Variants in TUFT1 observed in about 807,000 individuals in gnomAD.
TUFT1 encodes tuftelin.
TUFT1 carries 43 observed loss-of-function variants against 57.8 expected under a neutral mutation model. The observed-to-expected ratio is 0.74, with a 90% CI of 0.58 to 0.96. TUFT1 has a LOEUF of 0.96. TUFT1 is among the 40% of genes least tolerant of loss of function. The probability of loss-of-function intolerance (pLI) is 0.00; values close to 1 mark genes in which losing one functional copy is unlikely to be tolerated. For synonymous variants in TUFT1, 166 were observed against 176.7 expected, an observed-to-expected ratio of 0.94 and a Z score of 0.48; for missense variants, 459 against 489.0, an observed-to-expected ratio of 0.94 and a Z score of 0.58.
intron 3 of TUFT1, among the ~76,000 whole-genome samples, chr1:151,563,013 T>G (rs1665946983): frequency 6.6e-6 from 1 of 152,174 alleles, no homozygotes; most frequent in South Asian, 2.1e-4. Flanking sequence ...TATGTTTTCC[T>G]ATAATGGGTT....
chr1:151,558,060 G>A (rs1665770925), intron 1 of TUFT1: 1 of 332,660 alleles, frequency 3.0e-6, no homozygotes, highest in South Asian at 2.5e-5. Context: ...TTCAACTCAT[G>A]TTTCTTTCTT....
intron 1 of TUFT1, among the ~76,000 whole-genome samples, chr1:151,552,693 G>T (rs6683389): frequency 9.5e-6 from 1 of 105,058 alleles, no homozygotes; most frequent in Non-Finnish European, 1.7e-5. Context: ...GACAGAGCGA[G>T]AGGGACTCTG....
At position 151,581,660 on chromosome 1, in the gene TUFT1, C is replaced by A; in HGVS notation, c.1126C>A (p.Pro376Thr). Reference sequence around the variant, plus strand: ...TCTTTTCAGTATTAGGATATCCAAGCCGCCTAGCCCGAAGCCCATGCCTGT... The same window carrying A: ...TCTTTTCAGTATTAGGATATCCAAGACGCCTAGCCCGAAGCCCATGCCTGT... ...ENPGSIRISK[P>T]PSPKPMPVIR... The change falls in exon 13 of 13, where the codon CCG becomes ACG. Residue 376 changes from proline (P) to threonine (T), a missense_variant. Pro to Thr is a conservative substitution (Grantham distance 38). Transcript: ENST00000368849. The A allele has an allele frequency of 6.2e-7, 1 of 1,614,132 alleles. No homozygotes were observed. Among genetic ancestry groups the A allele is most frequent in the Admixed American group, 1.7e-5 (1 of 60,012 alleles).
rs1252230467 is a variant in TUFT1, at chr1:151,569,796, G to A, written c.594+26G>A. ...GTGAGATTTGGGATTTGGGGAGAAG[G>A]TGCCCTAAGGGATGGGCTACTGAAC... On this transcript the variant is annotated intron_variant, in intron 7 of 12. Transcript: ENST00000368849. The A allele has an allele frequency of 3.8e-6, 6 of 1,580,076 alleles. No individual in the cohort carries two copies. In the African/African-American group the frequency reaches 8.1e-5, roughly 21 times the overall value.
intron 7 of TUFT1, among the ~76,000 whole-genome samples, chr1:151,571,155 A>T: frequency 6.6e-6 from 1 of 152,246 alleles, no homozygotes; most frequent in African/African-American, 2.4e-5. Flanking sequence ...AAAAAGAGAA[A>T]GGCCAGCTTG....
At chr1:151,543,327 ATGTGTGTGTGTG>A (rs10626781) in intron 1 of TUFT1, among the ~76,000 whole-genome samples, 20 of 146,854 alleles carry the variant, frequency 1.4e-4, no homozygotes, top group African/African-American at 3.0e-4. Context: ...TTATATATAT[ATGTGTGTGTGTG>A]TGTGTGTGTG....
At chr1:151,563,025 A>T (rs1412670195) in intron 3 of TUFT1, among the ~76,000 whole-genome samples, 1 of 152,100 alleles carries the variant, frequency 6.6e-6, no homozygotes, top group East Asian at 1.9e-4. Context: ...TAATGGGTTC[A>T]TCCTGATGGA....
At position 151,581,921 on chromosome 1, in the gene TUFT1, G is replaced by C. The variant is rs1257204131; in HGVS notation, c.*214G>C. 1.6e-6 allele frequency: 1 copy of C among 625,108 alleles called. No individual in the cohort carries two copies. The highest frequency in any genetic ancestry group is 2.9e-6 in the Non-Finnish European group (1 of 347,924). 38.7% of individuals were successfully genotyped at this position (625,108 alleles called of 1,614,324 possible). A position where few individuals can be genotyped will look rare whatever the true frequency, so the allele number is the denominator to read the frequency against. On this transcript the variant is annotated 3_prime_UTR_variant, in exon 13 of 13. Transcript: ENST00000368849. ...CTATTCAAGGCACTGCAGCCCTTTG[G>C]AAGACATTGTCCTGCAAGCAGGAGC...
chr1:151,566,688 T>C (rs777230569), intron 6 of TUFT1, among the ~76,000 whole-genome samples: 19 of 152,334 alleles, frequency 1.2e-4, no homozygotes, highest in East Asian at 1.9e-4. Flanking sequence ...AAATATCATG[T>C]ATATGTTATA....
At chr1:151,543,678 G>A (rs779530645) in intron 1 of TUFT1, among the ~76,000 whole-genome samples, 8 of 152,118 alleles carry the variant, frequency 5.3e-5, no homozygotes, top group Non-Finnish European at 1.2e-4. Flanking sequence ...TACTACTATT[G>A]GTGAATTGGT....
chr1:151,571,757 T>A (rs1330519248), intron 7 of TUFT1, among the ~76,000 whole-genome samples: 1 of 152,124 alleles, frequency 6.6e-6, no homozygotes, highest in African/African-American at 2.4e-5. Context: ...TATTTGCTGG[T>A]TTTAATCACA....
Position 151,550,924 on chromosome 1 carries a change from C to T in TUFT1, c.60+10498C>T, listed in dbSNP as rs141179684. Reference sequence around the variant, plus strand: ...CCTGGGTAACACAGTGAGACCCTGTCTCAAAAATAATATATAATTTAAAAA... The same window carrying T: ...CCTGGGTAACACAGTGAGACCCTGTTTCAAAAATAATATATAATTTAAAAA... On this transcript the variant is annotated intron_variant, in intron 1 of 12. Transcript: ENST00000368849. Among the ~76,000 whole-genome samples the T allele has an allele frequency of 7.1e-3, 1,082 of 152,230 alleles. 11 individuals carry two copies. The highest frequency in any genetic ancestry group is 0.025 in the African/African-American group (1,038 of 41,522).
chr1:151,574,062 C>T (rs1666358135), intron 7 of TUFT1, among the ~76,000 whole-genome samples: 1 of 152,026 alleles, frequency 6.6e-6, no homozygotes, highest in Non-Finnish European at 1.5e-5. Flanking sequence ...CAACTGTGAG[C>T]CAGTTAACCC....
At chr1:151,568,629 G>C (rs1262074583) in intron 6 of TUFT1, among the ~76,000 whole-genome samples, 1 of 152,172 alleles carries the variant, frequency 6.6e-6, no homozygotes, top group Non-Finnish European at 1.5e-5. Context: ...AAATTGACTG[G>C]ATAACTCATG....
intron 11 of TUFT1, among the ~76,000 whole-genome samples, chr1:151,579,944 CT>C (rs1460311063): frequency 2.0e-5 from 3 of 152,228 alleles, no homozygotes; most frequent in Non-Finnish European, 2.9e-5. Flanking sequence ...GACCACCCCC[CT>C]GGCCCCACCT....
At chr1:151,571,595 G>C (rs866276918) in intron 7 of TUFT1, among the ~76,000 whole-genome samples, 31 of 152,100 alleles carry the variant, frequency 2.0e-4, no homozygotes, top group Admixed American at 1.6e-3. Context: ...AATTTAGTTG[G>C]TGATGTATCA....
intron 6 of TUFT1, among the ~76,000 whole-genome samples, chr1:151,566,744 T>C (rs1359224677): frequency 6.6e-6 from 1 of 152,194 alleles, no homozygotes; most frequent in Non-Finnish European, 1.5e-5. Context: ...AATATACATG[T>C]GCTTTTCTCA....
chr1:151,543,079 G>T (rs573530636), intron 1 of TUFT1, among the ~76,000 whole-genome samples: 9 of 152,318 alleles, frequency 5.9e-5, no homozygotes, highest in African/African-American at 1.9e-4. Context: ...CAGGCAGTGT[G>T]CCTTAGCGTA....
At chr1:151,571,126 A>G (rs1003036678) in intron 7 of TUFT1, among the ~76,000 whole-genome samples, 1 of 152,258 alleles carries the variant, frequency 6.6e-6, no homozygotes, top group Non-Finnish European at 1.5e-5. Context: ...TAGCCTGCCT[A>G]GGCATGCTAG....
Sources: gnomAD v4.1 joint callset for allele counts (sites outside exome capture counted in the v4.1 genomes callset) on GRCh38, gnomAD v4.1.1 for gene constraint, MANE v1.5 for transcripts, NCBI Gene and HGNC (gene_info 2026-07-23, HGNC 2026-07-21) for gene names.